The following CILK1 variants were observed in gnomAD, a reference collection of about 807,000 sequenced individuals.
CILK1 encodes the protein serine/threonine-protein kinase ICK.
A neutral mutation model predicts 79.2 loss-of-function variants in CILK1; 47 were observed. The ratio of observed to expected loss-of-function variants is 0.59; its 90% confidence interval spans 0.47 to 0.76. CILK1 has a LOEUF of 0.76. CILK1 is among the 30% of genes least tolerant of loss of function. The probability of loss-of-function intolerance (pLI) is 0.00; values close to 1 mark genes in which losing one functional copy is unlikely to be tolerated. For missense variants in CILK1, 660 were observed against 769.5 expected, an observed-to-expected ratio of 0.86 and a Z score of 1.68; for synonymous variants, 266 against 275.9, an observed-to-expected ratio of 0.96 and a Z score of 0.36.
chr6:53,021,164 A>T (rs1276985511), intron 5 of CILK1, among the ~76,000 whole-genome samples: 1 of 152,190 alleles, frequency 6.6e-6, no homozygotes, highest in Non-Finnish European at 1.5e-5. Flanking sequence ...TCTACTAAAA[A>T]TATTTTAAAA....
intron 5 of CILK1, among the ~76,000 whole-genome samples, chr6:53,028,141 C>A (rs574700807): frequency 6.4e-4 from 83 of 130,552 alleles, no homozygotes; most frequent in African/African-American, 2.4e-3. Context: ...AGCGAGACTC[C>A]GTCTCAAAAA....
chr6:53,046,047 T>C (rs1192042404), intron 1 of CILK1, among the ~76,000 whole-genome samples: 1 of 152,228 alleles, frequency 6.6e-6, no homozygotes, highest in Non-Finnish European at 1.5e-5. Flanking sequence ...TGCCTAGTTT[T>C]CTGTGGATAT....
Position 53,031,069 on chromosome 6 carries a change from T to A in CILK1, c.354A>T (p.Lys118Asn), listed in dbSNP as rs143876718. 2 of 1,592,298 alleles carry A rather than the reference T, an allele frequency of 1.3e-6. No homozygotes were observed. The highest frequency in any genetic ancestry group is 1.7e-6 in the Non-Finnish European group (2 of 1,160,278). ...QILQGLAFIH[K>N]HGFFHRDLKP... ...ACAACACTCCGAATCACCTACCGTG[T>A]TTGTGAATAAATGCGAGTCCTTGTA... Residue 118 changes from lysine to asparagine, a missense_variant, in exon 5 of 14, where the codon AAA becomes AAT. Coordinates refer to ENST00000676107, the MANE Select transcript of CILK1 (RefSeq NM_014920.5).
At chr6:53,049,002 G>A (rs1451083254) in intron 1 of CILK1, among the ~76,000 whole-genome samples, 1 of 152,212 alleles carries the variant, frequency 6.6e-6, no homozygotes, top group East Asian at 1.9e-4. Context: ...GATATTTAGG[G>A]CTGAGGCAGA....
Position 53,056,638 on chromosome 6 carries a change from G to C in CILK1, c.-173+4958C>G, listed in dbSNP as rs117577393. Reference sequence around the variant, plus strand: ...TACATACAAGCTGTGTTTAACCTTAGAATATAAGCTCTGTGAGGTCAGAAA... The same window carrying C: ...TACATACAAGCTGTGTTTAACCTTACAATATAAGCTCTGTGAGGTCAGAAA... On this transcript the variant is annotated intron_variant, in intron 1 of 13. Coordinates refer to ENST00000676107, the MANE Select transcript of CILK1 (RefSeq NM_014920.5). Among the ~76,000 whole-genome samples, 243 of 152,306 alleles carry C rather than the reference G, an allele frequency of 1.6e-3. 7 individuals carry two copies. The East Asian group carries it at 0.044, about 28-fold the overall frequency.
chr6:53,042,574 G>T (rs1766789159), intron 1 of CILK1, among the ~76,000 whole-genome samples: 1 of 152,170 alleles, frequency 6.6e-6, no homozygotes, highest in Non-Finnish European at 1.5e-5. Context: ...TATGTGCAGG[G>T]TATGCTCCTT....
intron 2 of CILK1, 130 bp from the exon 3 acceptor site, chr6:53,038,123 T>C (rs1317212228): frequency 1.4e-6 from 1 of 690,472 alleles, no homozygotes; most frequent in Non-Finnish European, 2.6e-6. Context: ...CTACCCAGTA[T>C]TATACTATCC....
chr6:53,007,700 C>T (rs898609231), intron 12 of CILK1, among the ~76,000 whole-genome samples: 4 of 151,060 alleles, frequency 2.6e-5, no homozygotes, highest in South Asian at 2.1e-4. Flanking sequence ...GAGACCCAGG[C>T]GGGTGGATCA....
Position 53,022,228 on chromosome 6 carries a change from A to G in CILK1, c.359-2869T>C, listed in dbSNP as rs1295193852. Among the ~76,000 whole-genome samples, 3 of 152,202 alleles carry G rather than the reference A, an allele frequency of 2.0e-5. No homozygotes were observed. In the East Asian group the frequency reaches 5.8e-4, roughly 29 times the overall value. ...GAAAGAAATTTTAAAAATTTAGTGTATCCTTGGTGTACAGTGTTTATAAAG... is the reference window on the plus strand; with the variant it reads ...GAAAGAAATTTTAAAAATTTAGTGTGTCCTTGGTGTACAGTGTTTATAAAG... On this transcript the variant is annotated intron_variant, in intron 5 of 13. Coordinates refer to ENST00000676107, the MANE Select transcript of CILK1 (RefSeq NM_014920.5).
Position 53,031,050 on chromosome 6 carries a change from C to T in CILK1, c.358+15G>A, listed in dbSNP as rs771578686. 6.5e-7 allele frequency: 1 copy of T among 1,544,048 alleles called. No homozygotes were observed. Among genetic ancestry groups the T allele is most frequent in the Non-Finnish European group, 9.0e-7 (1 of 1,116,516 alleles). ...TTCACTGCTCTTCAAAAGCACAACA[C>T]TCCGAATCACCTACCGTGTTTGTGA... On this transcript the variant is annotated intron_variant, in intron 5 of 13. Coordinates refer to ENST00000676107, the MANE Select transcript of CILK1 (RefSeq NM_014920.5).
chr6:53,049,310 G>A (rs1384629889), intron 1 of CILK1, among the ~76,000 whole-genome samples: 2 of 152,238 alleles, frequency 1.3e-5, no homozygotes, highest in South Asian at 4.1e-4. Flanking sequence ...GGAGGTGACA[G>A]ATAGACCTTT....
chr6:53,010,693 C>T lies in CILK1; in HGVS notation c.1492+1076G>A, dbSNP rs1053366608. Among the ~76,000 whole-genome samples the T allele has an allele frequency of 3.3e-5, 5 of 152,312 alleles. No homozygotes were observed. In the South Asian group the frequency reaches 1.0e-3, roughly 32 times the overall value. Reference sequence around the variant, plus strand: ...TCCCTGGTGTGCTCTGCCCTCAGCTCTCTGCACATTTGGTTCCTTCTCATT... The same window carrying T: ...TCCCTGGTGTGCTCTGCCCTCAGCTTTCTGCACATTTGGTTCCTTCTCATT... On this transcript the variant is annotated intron_variant, in intron 11 of 13. Coordinates refer to ENST00000676107, the MANE Select transcript of CILK1 (RefSeq NM_014920.5).
chr6:53,013,045 AT>A (rs748220369), intron 9 of CILK1, among the ~76,000 whole-genome samples: 7 of 152,256 alleles, frequency 4.6e-5, no homozygotes, highest in Admixed American at 2.0e-4. Flanking sequence ...ATCTACAAAT[AT>A]TAACACAGCG....
At chr6:53,039,136 C>T (rs1766543745) in intron 2 of CILK1, among the ~76,000 whole-genome samples, 1 of 152,166 alleles carries the variant, frequency 6.6e-6, no homozygotes, top group South Asian at 2.1e-4. Context: ...TTATTTAGCC[C>T]CTGCTATGTA....
intron 1 of CILK1, among the ~76,000 whole-genome samples, chr6:53,042,318 G>A (rs1264093280): frequency 6.6e-6 from 1 of 152,132 alleles, no homozygotes; most frequent in Non-Finnish European, 1.5e-5. Flanking sequence ...ACCATTCTGG[G>A]CAAACACTGA....
intron 1 of CILK1, among the ~76,000 whole-genome samples, chr6:53,056,746 A>C (rs1303219333): frequency 6.6e-6 from 1 of 152,236 alleles, no homozygotes; most frequent in Non-Finnish European, 1.5e-5. Flanking sequence ...CTCACAATAA[A>C]GACATGTTCA....
At chr6:53,013,559 T>A in intron 9 of CILK1, 103 bp downstream of exon 9, 1 of 1,096,666 alleles carries the variant, frequency 9.1e-7, no homozygotes, top group South Asian at 1.3e-5. Flanking sequence ...AAATCTACCA[T>A]AACTGGACCC....
chr6:53,041,249 C>A lies in CILK1; in HGVS notation c.-13G>T. ...TGTATCTATTCATGGTGTGCCTGCTCAGGCCGGACACTCATCTCACGGCCG... is the reference window on the plus strand; with the variant it reads ...TGTATCTATTCATGGTGTGCCTGCTAAGGCCGGACACTCATCTCACGGCCG... On this transcript the variant is annotated 5_prime_UTR_variant, in exon 2 of 14. It introduces an in-frame stop codon into an upstream open reading frame of the 5' UTR. Transcript: ENST00000676107. 6.3e-7 allele frequency: 1 copy of A among 1,594,260 alleles called. No homozygotes were observed. The highest frequency in any genetic ancestry group is 1.1e-5 in the South Asian group (1 of 90,716).
At chr6:53,023,366 C>T (rs1004753931) in intron 5 of CILK1, among the ~76,000 whole-genome samples, 22 of 152,156 alleles carry the variant, frequency 1.4e-4, no homozygotes, top group African/African-American at 4.8e-4. Context: ...AAAGGACTTT[C>T]GTCTGTAGGG....
Sources: allele counts gnomAD v4.1 joint callset (sites outside exome capture counted in the v4.1 genomes callset), GRCh38; gene constraint gnomAD v4.1.1; transcripts MANE v1.5; gene names NCBI Gene and HGNC (gene_info 2026-07-23, HGNC 2026-07-21).